Variants in ADGRA2 observed in about 807,000 individuals in gnomAD.
The protein encoded by ADGRA2 is G-protein coupled receptor 124.
Under a neutral mutation model 98.7 loss-of-function variants are expected in ADGRA2, and 61 were observed. The observed-to-expected ratio is 0.62, with a 90% CI of 0.50 to 0.76. The LOEUF is 0.76. Ranked by LOEUF, ADGRA2 falls within the 30% of genes least tolerant of loss-of-function variation. The pLI is 0.00. For synonymous variants in ADGRA2, 858 were observed against 831.5 expected, an observed-to-expected ratio of 1.03 and a Z score of -0.55; for missense variants, 1,712 against 1,860.0, an observed-to-expected ratio of 0.92 and a Z score of 1.46.
At chr8:37,798,325 G>C (rs930208323) in intron 1 of ADGRA2, among the ~76,000 whole-genome samples, 1 of 152,232 alleles carries the variant, frequency 6.6e-6, no homozygotes, top group Non-Finnish European at 1.5e-5. Context: ...GGGGAAGCGG[G>C]GTTCCCTCAC....
intron 14 of ADGRA2, among the ~76,000 whole-genome samples, chr8:37,838,605 C>T (rs1805690272): frequency 6.6e-6 from 1 of 152,198 alleles, no homozygotes. Flanking sequence ...CCTTCTCCTT[C>T]CTGGTCACCC....
At chr8:37,818,330 C>T (rs1805035906) in intron 2 of ADGRA2, among the ~76,000 whole-genome samples, 1 of 152,338 alleles carries the variant, frequency 6.6e-6, no homozygotes, top group East Asian at 1.9e-4. Context: ...TGACCTCTCC[C>T]CTACTTCAGC....
At chr8:37,820,401 G>A (rs1805095759) in intron 2 of ADGRA2, among the ~76,000 whole-genome samples, 1 of 152,168 alleles carries the variant, frequency 6.6e-6, no homozygotes, top group Non-Finnish European at 1.5e-5. Context: ...TGTCCCATGG[G>A]GCCTGGGAAT....
At chr8:37,840,737 C>T (rs952439017) in intron 17 of ADGRA2, 23 bp from the exon 18 acceptor site, 12 of 1,325,958 alleles carry the variant, frequency 9.1e-6, no homozygotes, top group Non-Finnish European at 1.3e-5. Context: ...TCTCTGGGAC[C>T]CCCAATCCCT....
Position 37,797,364 on chromosome 8 carries a change from G to A in ADGRA2, c.96G>A (p.Arg32=). 1 of 1,422,072 alleles carries A rather than the reference G, an allele frequency of 7.0e-7. No individual in the cohort carries two copies. Among genetic ancestry groups the A allele is most frequent in the Non-Finnish European group, 9.2e-7 (1 of 1,089,506 alleles). 88.1% of individuals were successfully genotyped at this position (1,422,072 alleles called of 1,614,324 possible). A position where few individuals can be genotyped will look rare whatever the true frequency, so the allele number is the denominator to read the frequency against. ...TGCTGCTCCTGGCGCCCGAGGCTCG[G>A]GGCGCGCCCGGCTGCCCGCTATCCA... ...WLLLLLAPEA[R]GAPGCPLSIR... The change falls in exon 1 of 19, where the codon CGG becomes CGA. Residue 32 remains arginine (R), a synonymous_variant. Transcript: ENST00000412232. The surrounding 1 kb of genome is among the most constrained non-coding windows in gnomAD (Gnocchi z 5.3).
chr8:37,804,524 G>T (rs1695701004), intron 1 of ADGRA2, among the ~76,000 whole-genome samples: 1 of 152,242 alleles, frequency 6.6e-6, no homozygotes, highest in African/African-American at 2.4e-5. Flanking sequence ...GGGTTGCCGA[G>T]ATACAGAATA....
chr8:37,801,935 G>A (rs1449652789), intron 1 of ADGRA2, among the ~76,000 whole-genome samples: 1 of 152,244 alleles, frequency 6.6e-6, no homozygotes, highest in Non-Finnish European at 1.5e-5. Flanking sequence ...GCTGGGCAAG[G>A]AGAGGTCACT....
intron 16 of ADGRA2, 50 bp from the exon 17 acceptor site, chr8:37,840,071 G>A (rs80188663): frequency 2.0e-6 from 3 of 1,495,836 alleles, no homozygotes; most frequent in South Asian, 2.6e-5. Flanking sequence ...GCTCTGGGAG[G>A]GTCCAGTCGT....
In ADGRA2 at chr8:37,804,100, GACACACACAC is replaced by G. The variant is rs60565183; in HGVS notation, c.266+6609_266+6618del. ...GGAGGGGCCAGCCTGCCCACGGTGA[GACACACACAC>G]ACACACACACACACACACACACACA... is the stretch of plus-strand genomic sequence containing the variant. On this transcript the variant is annotated intron_variant, in intron 1 of 18. Transcript: ENST00000412232. 2.5e-3 allele frequency among the ~76,000 whole-genome samples: 266 copies of G among 107,182 alleles called. 2 individuals carry two copies. Among genetic ancestry groups the G allele is most frequent in the South Asian group, 6.9e-3 (18 of 2,602 alleles). The allele number at this position is 107,182 out of a possible 152,430, so 70.3% of individuals were successfully genotyped here.
At chr8:37,823,768 A>G (rs1488940148) in intron 2 of ADGRA2, among the ~76,000 whole-genome samples, 1 of 152,124 alleles carries the variant, frequency 6.6e-6, no homozygotes, top group Non-Finnish European at 1.5e-5. Context: ...GTAGGTGTCA[A>G]GTGGCTTTGA....
Position 37,797,481 on chromosome 8 carries a change from G to A in ADGRA2, c.213G>A (p.Gly71=). ...PARRRVVCSG[G]DLPEPPEPGL... Reference sequence around the variant, plus strand: ...GGCGGAGGGTGGTGTGCAGCGGCGGGGACCTCCCGGAGCCTCCCGAGCCCG... The same window carrying A: ...GGCGGAGGGTGGTGTGCAGCGGCGGAGACCTCCCGGAGCCTCCCGAGCCCG... Residue 71 remains glycine (G), a synonymous_variant, in exon 1 of 19, where the codon GGG becomes GGA. Coordinates refer to ENST00000412232, the MANE Select transcript of ADGRA2 (RefSeq NM_032777.10). The surrounding 1 kb of genome is among the most constrained non-coding windows in gnomAD (Gnocchi z 5.3). 1.4e-6 allele frequency: 2 copies of A among 1,415,814 alleles called. No homozygotes were observed. Among genetic ancestry groups the A allele is most frequent in the East Asian group, 2.8e-5 (1 of 35,726 alleles). 87.7% of individuals were successfully genotyped at this position (1,415,814 alleles called of 1,614,324 possible).
intron 1 of ADGRA2, among the ~76,000 whole-genome samples, chr8:37,803,556 G>A (rs1804567802): frequency 6.6e-6 from 1 of 152,204 alleles, no homozygotes; most frequent in East Asian, 1.9e-4. Context: ...ACAGGACGAA[G>A]CTGCCTCCTC....
In ADGRA2 at chr8:37,802,261, C is replaced by A. The variant is rs537657107; in HGVS notation, c.266+4727C>A. On this transcript the variant is annotated intron_variant, in intron 1 of 18. Coordinates refer to ENST00000412232, the MANE Select transcript of ADGRA2 (RefSeq NM_032777.10). This position sits in a 1 kb window ranked among gnomAD's most constrained non-coding sequence, Gnocchi z 4.7. The stretch of plus-strand genomic sequence containing the variant: ...GGGAATTTGGGCAAAGTGTGCCAAG[C>A]GTCGTGCACATGGCCCGAGGGCAGG... 6.6e-6 allele frequency among the ~76,000 whole-genome samples: 1 copy of A among 152,300 alleles called. No individual in the cohort carries two copies. The highest frequency in any genetic ancestry group is 1.9e-4 in the East Asian group (1 of 5,156).
intron 2 of ADGRA2, among the ~76,000 whole-genome samples, chr8:37,827,128 A>G (rs1045619407): frequency 6.6e-6 from 1 of 152,226 alleles, no homozygotes; most frequent in African/African-American, 2.4e-5. Flanking sequence ...AGGGAGGCCC[A>G]CTGGGCTGTG....
At chr8:37,799,486 CAG>C (rs1804436238) in intron 1 of ADGRA2, among the ~76,000 whole-genome samples, 1 of 151,992 alleles carries the variant, frequency 6.6e-6, no homozygotes, top group Non-Finnish European at 1.5e-5. Context: ...GTCTCTGTGT[CAG>C]GGTTAGGGAA....
chr8:37,829,962 T>C lies in ADGRA2; in HGVS notation c.666T>C (p.Ser222=), dbSNP rs749666016. The C allele has an allele frequency of 1.1e-5, 18 of 1,607,154 alleles. No individual in the cohort carries two copies. Among genetic ancestry groups the C allele is most frequent in the Admixed American group, 1.7e-5 (1 of 59,834 alleles). ...LSEHTLCAYP[S]ALHAQALGSL... ...AACACACGCTCTGTGCTTACCCCAG[T>C]GCCCTGCATGCTCAGGCCCTGGGCA... The change falls in exon 6 of 19, where the codon AGT becomes AGC. Residue 222 remains serine (S), a synonymous_variant. Coordinates refer to ENST00000412232, the MANE Select transcript of ADGRA2 (RefSeq NM_032777.10).
In ADGRA2 at chr8:37,796,895, G is replaced by GAGC. The variant is rs1804337273; in HGVS notation, c.-373_-371dup. ...CGGAGCTGCCTCCATCCATGGCACG[G>GAGC]AGCGGCGGCGGCGGCGGCAGCAGGA... is the stretch of plus-strand genomic sequence containing the variant. On this transcript the variant is annotated 5_prime_UTR_variant, in exon 1 of 19. Transcript: ENST00000412232. The GAGC allele has an allele frequency of 6.5e-6, 1 of 153,544 alleles. No individual in the cohort carries two copies. 9.5% of individuals were successfully genotyped at this position (153,544 alleles called of 1,614,324 possible).
Position 37,828,927 on chromosome 8 carries a change from C to G in ADGRA2, c.378C>G (p.Gly126=), listed in dbSNP as rs547261571. The change falls in exon 3 of 19, where the codon GGC becomes GGG. Residue 126 remains glycine (G), a synonymous_variant. Coordinates refer to ENST00000412232, the MANE Select transcript of ADGRA2 (RefSeq NM_032777.10). ...ACATCATCAGCACAGTGCAGCCGGG[C>G]GCCTTCCTGGGCCTGGGGGAGCTGA... is the stretch of plus-strand genomic sequence containing the variant. The part of the protein sequence containing the change: ...RNNIISTVQP[G]AFLGLGELKR... The G allele has an allele frequency of 2.8e-5, 44 of 1,590,008 alleles. No individual in the cohort carries two copies. Among genetic ancestry groups the G allele is most frequent in the Middle Eastern group, 1.7e-4 (1 of 5,966 alleles).
chr8:37,804,568 T>C (rs1804605726), intron 1 of ADGRA2, among the ~76,000 whole-genome samples: 1 of 152,210 alleles, frequency 6.6e-6, no homozygotes, highest in Non-Finnish European at 1.5e-5. Flanking sequence ...TACAGGTTTA[T>C]TGTTGATAAA....
Sources: allele counts gnomAD v4.1 joint callset (sites outside exome capture counted in the v4.1 genomes callset), GRCh38; gene constraint gnomAD v4.1.1; non-coding constraint Gnocchi (gnomAD v3.1); transcripts MANE v1.5; gene names NCBI Gene and HGNC (gene_info 2026-07-23, HGNC 2026-07-21).